ACTN4: variants seen among roughly 807,000 people sequenced by gnomAD.
The protein encoded by ACTN4 is actinin alpha 4.
ACTN4 carries 18 observed loss-of-function variants against 114.2 expected under a neutral mutation model. That is an observed-to-expected ratio of 0.16 (90% CI 0.11 to 0.23). The LOEUF (loss-of-function observed/expected upper bound fraction) is 0.23. Ranked by LOEUF, ACTN4 falls within the 10% of genes least tolerant of loss-of-function variation. The probability of loss-of-function intolerance (pLI) is 1.00; values close to 1 mark genes in which losing one functional copy is unlikely to be tolerated. For synonymous variants in ACTN4, 515 were observed against 506.3 expected, an observed-to-expected ratio of 1.02 and a Z score of -0.23; for missense variants, 722 against 1,262.9, an observed-to-expected ratio of 0.57 and a Z score of 6.49.
chr19:38,719,789 C>T (rs1445460168), intron 11 of ACTN4, among the ~76,000 whole-genome samples: 2 of 152,254 alleles, frequency 1.3e-5, no homozygotes, highest in Non-Finnish European at 2.9e-5. Flanking sequence ...CTCTACAGGG[C>T]TCCATGAGGC....
At chr19:38,709,295 C>T (rs1968562828) in intron 6 of ACTN4, 100 bp from the exon 7 acceptor site, 2 of 887,416 alleles carry the variant, frequency 2.3e-6, no homozygotes, top group Non-Finnish European at 3.9e-6. Flanking sequence ...CCCCAACCCT[C>T]GCCCTCCCGG....
intron 1 of ACTN4, among the ~76,000 whole-genome samples, chr19:38,696,324 C>T (rs934528524): frequency 1.3e-5 from 2 of 151,990 alleles, no homozygotes; most frequent in South Asian, 2.1e-4. Context: ...TGAATATGTA[C>T]GGACCCATGG....
intron 1 of ACTN4, among the ~76,000 whole-genome samples, chr19:38,687,887 A>T (rs1047681963): frequency 6.6e-6 from 1 of 152,224 alleles, no homozygotes; most frequent in African/African-American, 2.4e-5. Flanking sequence ...TACTGTCCAA[A>T]ATGTATAAAG....
At chr19:38,694,182 T>G (rs7252630) in intron 1 of ACTN4, among the ~76,000 whole-genome samples, 102,028 of 151,722 alleles carry the variant, frequency 0.67, 35,212 homozygotes, top group South Asian at 0.84. Flanking sequence ...AAGCGGGTGA[T>G]CTGCTGGGGC....
chr19:38,667,583 A>ACC (rs1157531871), intron 1 of ACTN4, among the ~76,000 whole-genome samples: 2 of 151,972 alleles, frequency 1.3e-5, no homozygotes, highest in Admixed American at 1.3e-4. Flanking sequence ...ATTGGCTGTT[A>ACC]CAGTATGGAA....
chr19:38,689,736 C>T (rs191682120), intron 1 of ACTN4, among the ~76,000 whole-genome samples: 2 of 152,134 alleles, frequency 1.3e-5, no homozygotes, highest in South Asian at 2.1e-4. Flanking sequence ...TGCAGTGGCG[C>T]GATCTTGGCT....
chr19:38,704,250 G>A (rs994092033), intron 3 of ACTN4, among the ~76,000 whole-genome samples: 2 of 152,260 alleles, frequency 1.3e-5, no homozygotes, highest in Non-Finnish European at 2.9e-5. Flanking sequence ...AGTCAAGGCT[G>A]CAGTGAGCTA....
Position 38,729,759 on chromosome 19 carries a change from C to T in ACTN4, c.*327C>T. On this transcript the variant is annotated 3_prime_UTR_variant, in exon 21 of 21. Coordinates refer to ENST00000252699, the MANE Select transcript of ACTN4 (RefSeq NM_004924.6). ...CCCTTCCATGCCCTGGGATGCCTCA[C>T]CACACCCAGGTCTCTTCCTTTGCTC... is the stretch of plus-strand genomic sequence containing the variant. The T allele has an allele frequency of 1.9e-6, 1 of 534,790 alleles. No individual in the cohort carries two copies. Among genetic ancestry groups the T allele is most frequent in the Non-Finnish European group, 3.6e-6 (1 of 280,922 alleles). 33.1% of individuals were successfully genotyped at this position (534,790 alleles called of 1,614,324 possible).
chr19:38,704,123 T>C (rs1968374788), intron 3 of ACTN4, among the ~76,000 whole-genome samples: 1 of 152,052 alleles, frequency 6.6e-6, no homozygotes, highest in Non-Finnish European at 1.5e-5. Flanking sequence ...CCAGCTTGGG[T>C]AACATAATAA....
intron 9 of ACTN4, among the ~76,000 whole-genome samples, chr19:38,716,371 G>C (rs1287409491): frequency 6.6e-6 from 1 of 152,280 alleles, no homozygotes; most frequent in Non-Finnish European, 1.5e-5. Context: ...AGGTGGGCTT[G>C]TCGGCCTTGC....
rs556666779 is a variant in ACTN4, at chr19:38,647,664, G to C, written c.-82G>C. Reference sequence around the variant, plus strand: ...AGGGCGGGCTGAAGCAGCTGAAGCGGCGGTAGCGGCGGCGGCTCGGGCAGA... The same window carrying C: ...AGGGCGGGCTGAAGCAGCTGAAGCGCCGGTAGCGGCGGCGGCTCGGGCAGA... On this transcript the variant is annotated 5_prime_UTR_variant, in exon 1 of 21. Transcript: ENST00000252699. 8.1e-6 allele frequency: 12 copies of C among 1,474,002 alleles called. No individual in the cohort carries two copies. The African/African-American group carries it at 1.6e-4, about 20-fold the overall frequency. The allele number at this position is 1,474,002 out of a possible 1,614,324, so 91.3% of individuals were successfully genotyped here. A position where few individuals can be genotyped will look rare whatever the true frequency, so the allele number is the denominator to read the frequency against.
In ACTN4 at chr19:38,716,498, G is replaced by A. The variant is rs572786463; in HGVS notation, c.913-588G>A. 2.6e-5 allele frequency among the ~76,000 whole-genome samples: 4 copies of A among 152,322 alleles called. No individual in the cohort carries two copies. The South Asian group carries it at 8.3e-4, about 32-fold the overall frequency. On this transcript the variant is annotated intron_variant, in intron 9 of 20. Coordinates refer to ENST00000252699, the MANE Select transcript of ACTN4 (RefSeq NM_004924.6). ...AGGGACCTTTTTGGCGGGGGCATGG[G>A]AGTGGAGGTTTCCCCTCTTAGACCT...
intron 1 of ACTN4, among the ~76,000 whole-genome samples, chr19:38,671,100 T>C (rs1967113754): frequency 6.6e-6 from 1 of 152,036 alleles, no homozygotes; most frequent in African/African-American, 2.4e-5. Flanking sequence ...AGCGAGAAAA[T>C]TGTACTTTGC....
chr19:38,647,920 C>G lies in ACTN4; in HGVS notation c.162+13C>G, dbSNP rs529023065. 44 of 1,216,132 alleles carry G rather than the reference C, an allele frequency of 3.6e-5. No individual in the cohort carries two copies. The highest frequency in any genetic ancestry group is 8.7e-5 in the South Asian group (5 of 57,214). 75.3% of individuals were successfully genotyped at this position (1,216,132 alleles called of 1,614,324 possible). A position where few individuals can be genotyped will look rare whatever the true frequency, so the allele number is the denominator to read the frequency against. On this transcript the variant is annotated intron_variant, in intron 1 of 20. Coordinates refer to ENST00000252699, the MANE Select transcript of ACTN4 (RefSeq NM_004924.6). ...GCAGCAGCGCAAGGTGCGCGGCCCG[C>G]GGGCCGGACGGGCTGGAGGGGCTTT... is the stretch of plus-strand genomic sequence containing the variant.
intron 1 of ACTN4, among the ~76,000 whole-genome samples, chr19:38,684,429 C>A (rs1967676329): frequency 6.6e-6 from 1 of 152,182 alleles, no homozygotes; most frequent in South Asian, 2.1e-4. Flanking sequence ...TGCTGCCCCA[C>A]CCTGGTCCCC....
chr19:38,668,857 GCTCTGTGTGT>G (rs1293937906), intron 1 of ACTN4, among the ~76,000 whole-genome samples: 1 of 152,102 alleles, frequency 6.6e-6, no homozygotes, highest in African/African-American at 2.4e-5. Context: ...TTTCCAATGT[GCTCTGTGTGT>G]CTCGGAGCTC....
intron 1 of ACTN4, among the ~76,000 whole-genome samples, chr19:38,669,757 C>G (rs139270253): frequency 2.0e-5 from 3 of 152,070 alleles, no homozygotes; most frequent in Non-Finnish European, 2.9e-5. Flanking sequence ...GTAACAGTGC[C>G]GGAGCTGACA....
At chr19:38,712,447 G>T (rs1040217769) in intron 8 of ACTN4, among the ~76,000 whole-genome samples, 1 of 152,136 alleles carries the variant, frequency 6.6e-6, no homozygotes, top group Non-Finnish European at 1.5e-5. Flanking sequence ...GGCGTGAAAC[G>T]AGCTCCTGCA....
Position 38,700,729 on chromosome 19 carries a change from C to T in ACTN4, c.277+15C>T. 3 of 1,606,426 alleles carry T rather than the reference C, an allele frequency of 1.9e-6. No individual in the cohort carries two copies. The South Asian group carries it at 3.3e-5, about 18-fold the overall frequency. ...GGTCATATCAGGTGAGACTCCCAGCCACGCAGTGCGGCCGAGCCCTGGCAC... is the reference window on the plus strand; with the variant it reads ...GGTCATATCAGGTGAGACTCCCAGCTACGCAGTGCGGCCGAGCCCTGGCAC... On this transcript the variant is annotated intron_variant, in intron 2 of 20. Transcript: ENST00000252699.
Sources: gnomAD v4.1 joint callset for allele counts (sites outside exome capture counted in the v4.1 genomes callset) on GRCh38, gnomAD v4.1.1 for gene constraint, MANE v1.5 for transcripts, NCBI Gene and HGNC (gene_info 2026-07-23, HGNC 2026-07-21) for gene names.